Variants in PLEKHO2 observed in about 807,000 individuals in gnomAD.
PLEKHO2 encodes the protein pleckstrin homology domain-containing family O member 2.
A neutral mutation model predicts 32.7 loss-of-function variants in PLEKHO2; 20 were observed. The ratio of observed to expected loss-of-function variants is 0.61; its 90% CI spans 0.43 to 0.89. The LOEUF (loss-of-function observed/expected upper bound fraction) is 0.89, where lower values mean the gene tolerates loss of function less well. Among genes scored for constraint, PLEKHO2 ranks in the 40% least tolerant of loss-of-function variants. The pLI, the probability that PLEKHO2 is intolerant of heterozygous loss-of-function variation, is 0.00. For synonymous variants in PLEKHO2, 247 were observed against 246.3 expected, an observed-to-expected ratio of 1.00 and a Z score of -0.03; for missense variants, 568 against 621.2, an observed-to-expected ratio of 0.91 and a Z score of 0.91.
At chr15:64,844,304 G>T (rs1360755734) in intron 1 of PLEKHO2, among the ~76,000 whole-genome samples, 2 of 152,244 alleles carry the variant, frequency 1.3e-5, no homozygotes, top group Admixed American at 6.5e-5. Context: ...TGAGGCTTGG[G>T]GAGGAGATGC....
rs1033144621 is a variant in PLEKHO2 at position 64,865,999 on chromosome 15, C to T, written c.*111C>T. 2 of 1,351,564 alleles carry T rather than the reference C, an allele frequency of 1.5e-6. No individual in the cohort carries two copies. The highest frequency in any genetic ancestry group is 2.9e-5 in the African/African-American group (2 of 68,382). The allele number at this position is 1,351,564 out of a possible 1,614,324, so 83.7% of individuals were successfully genotyped here. Reference sequence around the variant, plus strand: ...TCTACAGCAATGGCTGCAGGAGGGCCATTGGGCATGTCAGGGTTTGGCCAT... The same window carrying T: ...TCTACAGCAATGGCTGCAGGAGGGCTATTGGGCATGTCAGGGTTTGGCCAT... On this transcript the variant is annotated 3_prime_UTR_variant, in exon 6 of 6. Coordinates refer to ENST00000323544, the MANE Select transcript of PLEKHO2 (RefSeq NM_025201.5).
intron 2 of PLEKHO2, among the ~76,000 whole-genome samples, chr15:64,853,215 A>AC (rs2084581590): frequency 6.6e-6 from 1 of 150,688 alleles, no homozygotes; most frequent in South Asian, 2.1e-4. Context: ...TGCCAGGCCC[A>AC]CCCTCTTAGG....
At chr15:64,863,519 TTGTGTGTGTGTGTGTGTGTGTG>T (rs147780306) in intron 5 of PLEKHO2, among the ~76,000 whole-genome samples, 1 of 145,068 alleles carries the variant, frequency 6.9e-6, no homozygotes, top group African/African-American at 2.5e-5. Context: ...GTGTGTGTGT[TTGTGTGTGTGTGTGTGTGTGTG>T]TGTGTGTGTG....
chr15:64,854,825 C>A, intron 2 of PLEKHO2, 96 bp from the exon 3 acceptor site: 2 of 946,328 alleles, frequency 2.1e-6, no homozygotes, highest in South Asian at 1.4e-5. Context: ...AAGTGATGTC[C>A]TCGCTGAGTG....
At chr15:64,855,572 G>A (rs1308347778) in intron 3 of PLEKHO2, among the ~76,000 whole-genome samples, 2 of 152,228 alleles carry the variant, frequency 1.3e-5, no homozygotes, top group African/African-American at 2.4e-5. Context: ...TTTCTTGGCT[G>A]TAGCTGGGGA....
In PLEKHO2 at chr15:64,865,767, T is replaced by C. The variant is rs1450381696; in HGVS notation, c.1352T>C (p.Leu451Pro). Reference sequence around the variant, plus strand: ...TTGCTCAGCCAGGCTGTGGAGCAGCTGAGGCAGGCCACCCAGGTCCTGCAG... The same window carrying C: ...TTGCTCAGCCAGGCTGTGGAGCAGCCGAGGCAGGCCACCCAGGTCCTGCAG... The part of the protein sequence containing the change: ...ETLLSQAVEQ[L>P]RQATQVLQEM... Residue 451 changes from leucine (L) to proline (P), a missense_variant, in exon 6 of 6, where the codon CTG (leucine) becomes CCG (proline). Leu to Pro is a moderately conservative substitution (Grantham distance 98). Transcript: ENST00000323544. 2 of 1,614,048 alleles carry C rather than the reference T, an allele frequency of 1.2e-6. No homozygotes were observed. Among genetic ancestry groups the C allele is most frequent in the Admixed American group, 1.7e-5 (1 of 60,008 alleles).
At chr15:64,854,210 G>T (rs930168043) in intron 2 of PLEKHO2, among the ~76,000 whole-genome samples, 1 of 152,218 alleles carries the variant, frequency 6.6e-6, no homozygotes, top group Non-Finnish European at 1.5e-5. Flanking sequence ...AGACAGTCTG[G>T]CTGGTGTCCA....
intron 2 of PLEKHO2, among the ~76,000 whole-genome samples, chr15:64,853,635 C>A (rs1231752144): frequency 6.6e-6 from 1 of 152,128 alleles, no homozygotes. Flanking sequence ...GGTGCGAATG[C>A]TGCTGGCCTA....
At chr15:64,863,420 A>G (rs1427807230) in intron 5 of PLEKHO2, among the ~76,000 whole-genome samples, 5 of 151,818 alleles carry the variant, frequency 3.3e-5, no homozygotes, top group Non-Finnish European at 7.4e-5. Flanking sequence ...GAGAAAAGGA[A>G]TGCCTGATGG....
rs1303014875 is a variant in PLEKHO2, at chr15:64,865,058, AC to A, written c.645del (p.Thr216ProfsTer55). The A allele has an allele frequency of 6.2e-7, 1 of 1,614,010 alleles. No individual in the cohort carries two copies. The highest frequency in any genetic ancestry group is 1.1e-5 in the South Asian group (1 of 91,084). On this transcript the variant is annotated frameshift_variant, in exon 6 of 6. Transcript: ENST00000323544. LOFTEE classifies it low-confidence loss of function (END_TRUNC). ...TACCAAGCCTTTCCTAGCACCTGAG[AC>A]CACCAGCCCTGGTGACAGGGTGGAG... ...PPTKPFLAPE[T>X]TSPGDRVETP...
chr15:64,848,504 A>G, intron 1 of PLEKHO2, 89 bp from the exon 2 acceptor site: 14 of 1,485,778 alleles, frequency 9.4e-6, no homozygotes, highest in Non-Finnish European at 1.3e-5. Flanking sequence ...TACTTAGCCT[A>G]GGGACACATC....
Position 64,841,919 on chromosome 15 carries a change from C to T in PLEKHO2, c.-98C>T, listed in dbSNP as rs2084486480. Reference sequence around the variant, plus strand: ...GCCCCCGGCAGCCGGCGGGACAGAACGCGGAGAGTCGCCGCCTGGCCGGGC... The same window carrying T: ...GCCCCCGGCAGCCGGCGGGACAGAATGCGGAGAGTCGCCGCCTGGCCGGGC... On this transcript the variant is annotated 5_prime_UTR_variant, in exon 1 of 6. It adds an upstream start codon to the 5' untranslated region. Transcript: ENST00000323544. 8.5e-7 allele frequency: 1 copy of T among 1,180,530 alleles called. No individual in the cohort carries two copies. Among genetic ancestry groups the T allele is most frequent in the Non-Finnish European group, 1.1e-6 (1 of 941,714 alleles). The allele number at this position is 1,180,530 out of a possible 1,614,324, so 73.1% of individuals were successfully genotyped here.
At chr15:64,864,808 A>G in intron 5 of PLEKHO2, 91 bp from the exon 6 acceptor site, 1 of 1,425,894 alleles carries the variant, frequency 7.0e-7, no homozygotes, top group East Asian at 2.3e-5. Flanking sequence ...GACAACCTGG[A>G]TGGGAGAGGG....
intron 1 of PLEKHO2, among the ~76,000 whole-genome samples, chr15:64,843,581 TC>T (rs1172794384): frequency 6.6e-6 from 1 of 150,742 alleles, no homozygotes; most frequent in Non-Finnish European, 1.5e-5. Flanking sequence ...CACTTTCTTT[TC>T]TTTTTTTTTT....
At chr15:64,860,354 G>C (rs1206921485) in intron 4 of PLEKHO2, among the ~76,000 whole-genome samples, 2 of 152,250 alleles carry the variant, frequency 1.3e-5, no homozygotes. Flanking sequence ...TGAGCCGACA[G>C]CTCCCTTTTC....
chr15:64,856,843 C>T (rs143537423), intron 3 of PLEKHO2, among the ~76,000 whole-genome samples: 104 of 152,356 alleles, frequency 6.8e-4, no homozygotes, highest in African/African-American at 2.4e-3. Flanking sequence ...CACATCCTCT[C>T]ACCCTCCTTT....
intron 3 of PLEKHO2, among the ~76,000 whole-genome samples, chr15:64,855,535 C>T (rs1007990448): frequency 6.6e-6 from 1 of 152,242 alleles, no homozygotes; most frequent in Admixed American, 6.5e-5. Context: ...CCTGCAGCCC[C>T]CCAGCTTTCC....
chr15:64,858,341 C>T (rs1030081238), intron 3 of PLEKHO2, among the ~76,000 whole-genome samples: 4 of 152,118 alleles, frequency 2.6e-5, no homozygotes, highest in African/African-American at 7.2e-5. Context: ...GGGGCCAGGC[C>T]GACCTCGGTG....
chr15:64,857,486 C>A (rs188796070), intron 3 of PLEKHO2, among the ~76,000 whole-genome samples: 3 of 152,174 alleles, frequency 2.0e-5, no homozygotes, highest in Non-Finnish European at 4.4e-5. Flanking sequence ...AGGCACACAC[C>A]GTCATGCCTG....
Sources: allele counts gnomAD v4.1 joint callset (sites outside exome capture counted in the v4.1 genomes callset), GRCh38; gene constraint gnomAD v4.1.1; transcripts MANE v1.5; gene names NCBI Gene and HGNC (gene_info 2026-07-23, HGNC 2026-07-21).